Variants in COL19A1 observed in about 807,000 individuals in gnomAD.
COL19A1 encodes collagen type XIX alpha 1 chain, also known as collagen alpha-1(XIX) chain.
COL19A1 carries 159 observed loss-of-function variants against 190.2 expected under a neutral mutation model. That is an observed-to-expected ratio of 0.84 (90% CI 0.73 to 0.95). COL19A1 has a LOEUF of 0.95. Among genes scored for constraint, COL19A1 ranks in the 40% least tolerant of loss-of-function variants. The probability of loss-of-function intolerance (pLI) is 0.00; values close to 1 mark genes in which losing one functional copy is unlikely to be tolerated. For synonymous variants in COL19A1, 509 were observed against 458.9 expected (o/e 1.11, Z -1.39); for missense variants, 1,418 against 1,431.9 (o/e 0.99, Z 0.16).
intron 42 of COL19A1, among the ~76,000 whole-genome samples, chr6:70,179,055 C>G (rs746371849): frequency 2.8e-4 from 42 of 152,106 alleles, no homozygotes; most frequent in Non-Finnish European, 5.0e-4. Context: ...CAATAAGACC[C>G]TTCAGGTCAT....
Position 70,187,730 on chromosome 6 carries a change from C to T in COL19A1, c.2857-345C>T, listed in dbSNP as rs1011744006. 3.9e-5 allele frequency among the ~76,000 whole-genome samples: 6 copies of T among 152,038 alleles called. No individual in the cohort carries two copies. In the South Asian group the frequency reaches 1.2e-3, roughly 32 times the overall value. ...TTATCATTGCAAAGGAGACCCAGAC[C>T]TCAAGTGACAGCTGGTATTGACTCA... On this transcript the variant is annotated intron_variant, in intron 46 of 50. Coordinates refer to ENST00000620364, the MANE Select transcript of COL19A1 (RefSeq NM_001858.6).
At chr6:69,912,954 G>A (rs1771055564) in intron 4 of COL19A1, among the ~76,000 whole-genome samples, 1 of 152,088 alleles carries the variant, frequency 6.6e-6, no homozygotes, top group Non-Finnish European at 1.5e-5. Flanking sequence ...CAGGTATGGT[G>A]GTGTATGCCT....
intron 2 of COL19A1, among the ~76,000 whole-genome samples, chr6:69,883,598 C>T (rs886868848): frequency 6.6e-5 from 10 of 152,138 alleles, no homozygotes; most frequent in African/African-American, 2.4e-4. Context: ...GTTTTCTTTC[C>T]CTGCAATCAG....
intron 4 of COL19A1, among the ~76,000 whole-genome samples, chr6:69,911,115 C>T (rs376810335): frequency 1.3e-5 from 2 of 152,150 alleles, no homozygotes; most frequent in African/African-American, 2.4e-5. Flanking sequence ...GTCTAATCCT[C>T]CTTCTCAGAC....
At chr6:70,039,723 CA>C (rs1324530918) in intron 14 of COL19A1, among the ~76,000 whole-genome samples, 1 of 151,030 alleles carries the variant, frequency 6.6e-6, no homozygotes, top group Non-Finnish European at 1.5e-5. Context: ...TTTACTGATG[CA>C]GGGGCAATCC....
chr6:70,086,099 A>C (rs1782573313), intron 15 of COL19A1, among the ~76,000 whole-genome samples: 1 of 152,136 alleles, frequency 6.6e-6, no homozygotes, highest in Non-Finnish European at 1.5e-5. Flanking sequence ...CAGTATACAC[A>C]ACCTCAAAAA....
intron 24 of COL19A1, among the ~76,000 whole-genome samples, chr6:70,144,525 C>A (rs2150238053): frequency 6.6e-6 from 1 of 152,262 alleles, no homozygotes; most frequent in East Asian, 1.9e-4. Context: ...CTGGTATAAA[C>A]CTAAGAAGTC....
At chr6:70,023,006 G>A (rs1778501795) in intron 11 of COL19A1, among the ~76,000 whole-genome samples, 1 of 152,030 alleles carries the variant, frequency 6.6e-6, no homozygotes, top group Admixed American at 6.6e-5. Flanking sequence ...TGGCCCAAAT[G>A]AAATGAATGG....
chr6:69,997,949 C>CA lies in COL19A1; in HGVS notation c.1027-25670dup, dbSNP rs895670258. Among the ~76,000 whole-genome samples the CA allele has an allele frequency of 3.1e-4, 47 of 150,076 alleles. 1 individual carries two copies. Among genetic ancestry groups the CA allele is most frequent in the Admixed American group, 1.5e-3 (22 of 15,076 alleles). On this transcript the variant is annotated intron_variant, in intron 11 of 50. Transcript: ENST00000620364. Reference sequence around the variant, plus strand: ...ACATCATAATCAAACTGCTAAAAGCCAAAAAAAACAGTAAATTTTAAAAGC... The same window carrying CA: ...ACATCATAATCAAACTGCTAAAAGCCAAAAAAAAACAGTAAATTTTAAAAGC...
chr6:70,158,253 A>C (rs925771527), intron 34 of COL19A1, among the ~76,000 whole-genome samples: 9 of 152,106 alleles, frequency 5.9e-5, no homozygotes, highest in African/African-American at 1.9e-4. Context: ...TTGGTCTCAG[A>C]TATTATTTGA....
chr6:69,923,754 C>T (rs936009887), intron 4 of COL19A1, among the ~76,000 whole-genome samples: 8 of 152,138 alleles, frequency 5.3e-5, no homozygotes, highest in African/African-American at 1.9e-4. Flanking sequence ...GCCTTAAAAT[C>T]TTTGGCAAAA....
chr6:70,109,428 G>A (rs1444734507), intron 16 of COL19A1, among the ~76,000 whole-genome samples: 1 of 151,994 alleles, frequency 6.6e-6, no homozygotes. Context: ...AAAAGATTTG[G>A]GAGCTGAATG....
chr6:70,087,211 C>T (rs949478160), intron 15 of COL19A1, among the ~76,000 whole-genome samples: 9 of 152,112 alleles, frequency 5.9e-5, no homozygotes, highest in Admixed American at 3.9e-4. Flanking sequence ...AACTTACATT[C>T]TATTATGGAG....
chr6:70,196,867 C>T (rs1033238457), intron 48 of COL19A1, among the ~76,000 whole-genome samples: 4 of 152,082 alleles, frequency 2.6e-5, no homozygotes, highest in African/African-American at 9.7e-5. Flanking sequence ...TGCTCTGAAA[C>T]ATATTATTGT....
At chr6:70,168,531 T>A in intron 39 of COL19A1, 124 bp from the exon 40 acceptor site, 1 of 798,468 alleles carries the variant, frequency 1.3e-6, no homozygotes, top group Non-Finnish European at 2.0e-6. Flanking sequence ...AAATTCAAAC[T>A]GTAATTAAAG....
chr6:69,874,618 G>A (rs934222910), intron 1 of COL19A1, among the ~76,000 whole-genome samples: 11 of 152,138 alleles, frequency 7.2e-5, no homozygotes, highest in African/African-American at 2.7e-4. Context: ...GGGCATGGTG[G>A]TGGGTGCCTG....
chr6:70,128,068 G>A (rs72916739), intron 17 of COL19A1, among the ~76,000 whole-genome samples: 17 of 152,230 alleles, frequency 1.1e-4, no homozygotes, highest in Non-Finnish European at 1.6e-4. Context: ...TGTTAGCAGC[G>A]TGATGTAACT....
At chr6:70,046,884 A>C (rs561351495) in intron 14 of COL19A1, among the ~76,000 whole-genome samples, 1 of 152,192 alleles carries the variant, frequency 6.6e-6, no homozygotes, top group African/African-American at 2.4e-5. Flanking sequence ...GCAGTGATTC[A>C]GCTGAAATTC....
At chr6:69,873,898 T>C (rs962188967) in intron 1 of COL19A1, among the ~76,000 whole-genome samples, 2 of 152,224 alleles carry the variant, frequency 1.3e-5, no homozygotes, top group Non-Finnish European at 2.9e-5. Flanking sequence ...GATCCACATA[T>C]ATTAGCTTGA....
Sources: gnomAD v4.1 joint callset for allele counts (sites outside exome capture counted in the v4.1 genomes callset) on GRCh38, gnomAD v4.1.1 for gene constraint, MANE v1.5 for transcripts, NCBI Gene and HGNC (gene_info 2026-07-23, HGNC 2026-07-21) for gene names.